ALPL: variants seen among roughly 807,000 people sequenced by gnomAD.
ALPL encodes the protein alkaline phosphatase, tissue-nonspecific isozyme.
In ALPL, 42 loss-of-function variants were observed where a neutral mutation model predicts 51.3. That is an observed-to-expected ratio of 0.82 (90% CI 0.64 to 1.06). ALPL has a LOEUF of 1.06. Ranked by LOEUF, ALPL falls within the 50% of genes least tolerant of loss-of-function variation. The pLI, the probability that ALPL is intolerant of heterozygous loss-of-function variation, is 0.00. For synonymous variants in ALPL, 279 were observed against 296.4 expected (o/e 0.94, Z 0.60); for missense variants, 589 against 709.4 (o/e 0.83, Z 1.93).
At chr1:21,529,522 C>T (rs1644000276) in intron 1 of ALPL, among the ~76,000 whole-genome samples, 1 of 152,150 alleles carries the variant, frequency 6.6e-6, no homozygotes, top group South Asian at 2.1e-4. Context: ...GGCCAATTTT[C>T]TGTTTCTTAA....
intron 9 of ALPL, chr1:21,574,191 G>C: frequency 1.0e-6 from 1 of 985,422 alleles, no homozygotes; most frequent in Non-Finnish European, 1.2e-6. Flanking sequence ...TTTCAGCGCC[G>C]GCCAGGGGCC....
chr1:21,536,427 GA>G (rs1218410102), intron 1 of ALPL, among the ~76,000 whole-genome samples: 3 of 152,192 alleles, frequency 2.0e-5, no homozygotes, highest in South Asian at 2.1e-4. Flanking sequence ...CCAAGTAACA[GA>G]AAAGCCAAGA....
intron 1 of ALPL, among the ~76,000 whole-genome samples, chr1:21,543,436 T>C (rs1029694568): frequency 1.3e-5 from 2 of 151,860 alleles, no homozygotes; most frequent in Non-Finnish European, 2.9e-5. Context: ...TCTCAGGTCA[T>C]GATAAAGACC....
chr1:21,548,847 C>CGTT (rs1644285333), intron 1 of ALPL, among the ~76,000 whole-genome samples: 1 of 152,174 alleles, frequency 6.6e-6, no homozygotes, highest in African/African-American at 2.4e-5. Flanking sequence ...TGTCCTTGTA[C>CGTT]GTTACACAGC....
chr1:21,572,772 G>A (rs991709983), intron 8 of ALPL, among the ~76,000 whole-genome samples: 39 of 152,208 alleles, frequency 2.6e-4, no homozygotes, highest in African/African-American at 9.4e-4. Context: ...TTGTGCCATG[G>A]GCAAGGAATG....
At chr1:21,569,563 A>C (rs1644616209) in intron 7 of ALPL, among the ~76,000 whole-genome samples, 1 of 141,290 alleles carries the variant, frequency 7.1e-6, no homozygotes, top group Non-Finnish European at 1.5e-5. Context: ...TCCAGGAAGC[A>C]GGGGCTGGGA....
At chr1:21,542,840 C>A (rs537781400) in intron 1 of ALPL, among the ~76,000 whole-genome samples, 1 of 151,822 alleles carries the variant, frequency 6.6e-6, no homozygotes, top group Non-Finnish European at 1.5e-5. Context: ...TCCATCCCCC[C>A]AATCCCCCCA....
chr1:21,575,906 CG>C lies in ALPL; in HGVS notation c.1172del (p.Arg391LeufsTer12). ...CTTCACATTTGGTGGATACACCCCC[CG>C]TGGCAACTCTATCTTTGGTAGGTGG... ...HVFTFGGYTP[R>X]GNSIFGLAPM... On this transcript the variant is annotated frameshift_variant, in exon 10 of 12. Transcript: ENST00000374840. LOFTEE classifies it high-confidence loss of function. 1 of 1,614,210 alleles carries C rather than the reference CG, an allele frequency of 6.2e-7. No homozygotes were observed. The highest frequency in any genetic ancestry group is 8.5e-7 in the Non-Finnish European group (1 of 1,180,038).
intron 1 of ALPL, among the ~76,000 whole-genome samples, chr1:21,527,015 G>GTTCTTCTCTTTTCTTTTCTTTTCTT (rs1643953403): frequency 2.1e-5 from 3 of 140,656 alleles, no homozygotes; most frequent in Non-Finnish European, 3.2e-5. Context: ...TGTTATTCTT[G>GTTCTTCTCTTTTCTTTTCTTTTCTT]TTCTTTTCTT....
intron 1 of ALPL, among the ~76,000 whole-genome samples, chr1:21,516,763 T>G (rs12116570): frequency 0.13 from 20,249 of 152,234 alleles, 1,554 homozygotes; most frequent in African/African-American, 0.19. Flanking sequence ...GATAAGCAGG[T>G]TTCCTCTCAA....
intron 8 of ALPL, among the ~76,000 whole-genome samples, chr1:21,571,697 GA>G (rs1363680321): frequency 6.7e-6 from 1 of 149,314 alleles, no homozygotes; most frequent in Non-Finnish European, 1.5e-5. Flanking sequence ...GAACAAACAC[GA>G]AAAAACTTAG....
chr1:21,563,984 GC>G (rs1644525911), intron 5 of ALPL, 56 bp from the exon 6 acceptor site: 1 of 1,601,046 alleles, frequency 6.2e-7, no homozygotes, highest in Admixed American at 1.7e-5. Flanking sequence ...GAGGGAGGAG[GC>G]CTCTGGGACA....
At chr1:21,555,904 G>A (rs1261100138) in intron 2 of ALPL, among the ~76,000 whole-genome samples, 1 of 151,806 alleles carries the variant, frequency 6.6e-6, no homozygotes, top group Non-Finnish European at 1.5e-5. Flanking sequence ...CCAAGTAGCT[G>A]GGACTACAGG....
intron 2 of ALPL, among the ~76,000 whole-genome samples, chr1:21,558,931 T>C (rs923250353): frequency 6.6e-6 from 1 of 152,126 alleles, no homozygotes; most frequent in African/African-American, 2.4e-5. Flanking sequence ...CATTTCCTAA[T>C]GTGGAGGAGA....
chr1:21,548,754 T>A (rs959699438), intron 1 of ALPL, among the ~76,000 whole-genome samples: 6 of 152,194 alleles, frequency 3.9e-5, no homozygotes, highest in African/African-American at 1.2e-4. Flanking sequence ...CCTTTGTCCC[T>A]GCTCCCTGCC....
intron 1 of ALPL, among the ~76,000 whole-genome samples, chr1:21,534,056 A>ATCAC (rs56357624): frequency 0.16 from 24,816 of 151,960 alleles, 3,721 homozygotes; most frequent in African/African-American, 0.4. Context: ...GCAATCTCGG[A>ATCAC]TCACTGCAGC....
intron 1 of ALPL, among the ~76,000 whole-genome samples, chr1:21,518,884 G>C (rs1643849810): frequency 6.6e-6 from 1 of 152,068 alleles, no homozygotes; most frequent in African/African-American, 2.4e-5. Context: ...TGGCAAAACC[G>C]ACCCGCCCAC....
intron 11 of ALPL, 43 bp from the exon 12 acceptor site, chr1:21,577,340 G>C: frequency 6.2e-7 from 1 of 1,612,878 alleles, no homozygotes. Flanking sequence ...CGCAGCGCCA[G>C]GCCCCTGGCA....
intron 1 of ALPL, among the ~76,000 whole-genome samples, chr1:21,511,729 G>A (rs945793986): frequency 6.6e-6 from 1 of 152,210 alleles, no homozygotes; most frequent in Non-Finnish European, 1.5e-5. Context: ...TCTCTGCAGC[G>A]CTTCCTGCCC....
Sources: gnomAD v4.1 joint callset for allele counts (sites outside exome capture counted in the v4.1 genomes callset) on GRCh38, gnomAD v4.1.1 for gene constraint, MANE v1.5 for transcripts, NCBI Gene and HGNC (gene_info 2026-07-23, HGNC 2026-07-21) for gene names.